The following MTHFD1 variants were observed in gnomAD, a reference collection of about 807,000 sequenced individuals.
The protein encoded by MTHFD1 is methylenetetrahydrofolate dehydrogenase, cyclohydrolase and formyltetrahydrofolate synthetase 1, also known as C-1-tetrahydrofolate synthase, cytoplasmic.
Under a neutral mutation model 110.3 loss-of-function variants are expected in MTHFD1, and 44 were observed. That is an observed-to-expected ratio of 0.40 (90% CI 0.31 to 0.51). The LOEUF (loss-of-function observed/expected upper bound fraction) is 0.51, where lower values mean the gene tolerates loss of function less well. Among genes scored for constraint, MTHFD1 ranks in the 20% least tolerant of loss-of-function variants. The pLI, the probability that MTHFD1 is intolerant of heterozygous loss-of-function variation, is 0.60. For missense variants in MTHFD1, 909 were observed against 1,173.1 expected (o/e 0.77, Z 3.29); for synonymous variants, 402 against 428.8 (o/e 0.94, Z 0.77).
chr14:64,403,170 A>C (rs1040844968), intron 2 of MTHFD1, among the ~76,000 whole-genome samples: 1 of 151,652 alleles, frequency 6.6e-6, no homozygotes, highest in Non-Finnish European at 1.5e-5. Context: ...GCTGGAGTGC[A>C]GTGGTGCAAT....
At chr14:64,454,988 A>G in intron 26 of MTHFD1, 113 bp downstream of exon 26, 1 of 1,121,090 alleles carries the variant, frequency 8.9e-7, no homozygotes, top group Non-Finnish European at 1.4e-6. Context: ...CCAGAAGAAA[A>G]TTGGAATCGG....
intron 22 of MTHFD1, 156 bp from the exon 23 acceptor site, chr14:64,448,061 A>C (rs2078309170): frequency 4.4e-6 from 3 of 678,492 alleles, no homozygotes; most frequent in Admixed American, 4.3e-5. Context: ...ACCGCACTGG[A>C]AAAAATGCAC....
rs541958229 is a variant in MTHFD1 at position 64,431,024 on chromosome 14, C to G, written c.1312-508C>G. 2.6e-4 allele frequency among the ~76,000 whole-genome samples: 40 copies of G among 151,122 alleles called. No individual in the cohort carries two copies. The South Asian group carries it at 8.4e-3, about 32-fold the overall frequency. On this transcript the variant is annotated intron_variant, in intron 13 of 27. Coordinates refer to ENST00000652337, the MANE Select transcript of MTHFD1 (RefSeq NM_005956.4). ...CAAGTTCTGTATTTGGGAGGAGATT[C>G]TTCTGTGGACAGATAATTAGTCTTT...
At chr14:64,398,937 T>C (rs2077877309) in intron 1 of MTHFD1, among the ~76,000 whole-genome samples, 1 of 152,268 alleles carries the variant, frequency 6.6e-6, no homozygotes, top group Non-Finnish European at 1.5e-5. Flanking sequence ...GTTGGTAAAT[T>C]GATCATCTTA....
intron 24 of MTHFD1, 87 bp downstream of exon 24, chr14:64,449,709 T>C: frequency 6.8e-7 from 1 of 1,467,962 alleles, no homozygotes; most frequent in Non-Finnish European, 9.3e-7. Context: ...TAGAGCCCCA[T>C]GCTTCGCAGC....
intron 2 of MTHFD1, among the ~76,000 whole-genome samples, chr14:64,405,947 T>A (rs2077932204): frequency 6.6e-6 from 1 of 151,698 alleles, no homozygotes; most frequent in Non-Finnish European, 1.5e-5. Context: ...CAAAATTTAT[T>A]TGTGTTTCAT....
At chr14:64,425,269 A>G (rs1008831498) in intron 9 of MTHFD1, among the ~76,000 whole-genome samples, 6 of 147,508 alleles carry the variant, frequency 4.1e-5, no homozygotes, top group Non-Finnish European at 7.4e-5. Flanking sequence ...CTGGAGTGCA[A>G]TGGTGTGATC....
Position 64,415,437 on chromosome 14 carries a change from A to C in MTHFD1, c.320A>C (p.Asn107Thr). The C allele has an allele frequency of 6.2e-7, 1 of 1,613,878 alleles. No homozygotes were observed. The highest frequency in any genetic ancestry group is 8.5e-7 in the Non-Finnish European group (1 of 1,179,722). The change falls in exon 5 of 28, where the codon AAT (asparagine) becomes ACT (threonine). Residue 107 changes from asparagine to threonine, a missense_variant. Transcript: ENST00000652337. ...FLVQLPLDSE[N>T]SINTEEVINA... ...GTGCAGCTACCTTTAGATTCAGAGA[A>C]TTCCATTAACACTGAAGAAGTGATC...
At chr14:64,435,351 G>A (rs2078197668) in intron 15 of MTHFD1, among the ~76,000 whole-genome samples, 1 of 152,050 alleles carries the variant, frequency 6.6e-6, no homozygotes, top group Non-Finnish European at 1.5e-5. Flanking sequence ...GCTCATTCCT[G>A]AATAAACTCA....
intron 22 of MTHFD1, 54 bp from the exon 23 acceptor site, chr14:64,448,163 T>C: frequency 7.6e-7 from 1 of 1,318,852 alleles, no homozygotes; most frequent in Non-Finnish European, 1.1e-6. Flanking sequence ...AAGAAGAACC[T>C]GCAGTGGTTT....
intron 16 of MTHFD1, among the ~76,000 whole-genome samples, chr14:64,436,129 CT>C (rs2078204422): frequency 6.6e-6 from 1 of 151,848 alleles, no homozygotes; most frequent in African/African-American, 2.4e-5. Flanking sequence ...GAGTCTCGCT[CT>C]GTCGCCCAGG....
intron 2 of MTHFD1, among the ~76,000 whole-genome samples, chr14:64,403,954 G>A (rs1424456881): frequency 6.6e-6 from 1 of 152,146 alleles, no homozygotes; most frequent in East Asian, 1.9e-4. Context: ...AGGATACCTT[G>A]ACTACTAGTC....
intron 1 of MTHFD1, 118 bp from the exon 2 acceptor site, chr14:64,400,675 C>A: frequency 1.4e-6 from 1 of 733,702 alleles, no homozygotes; most frequent in South Asian, 1.5e-5. Flanking sequence ...GGTGACAGAG[C>A]GAGACCCTGT....
chr14:64,400,307 G>A (rs2077886109), intron 1 of MTHFD1, among the ~76,000 whole-genome samples: 1 of 152,050 alleles, frequency 6.6e-6, no homozygotes, highest in Admixed American at 6.5e-5. Flanking sequence ...AGAATCGATT[G>A]AACCTGGGAG....
At chr14:64,449,816 T>G (rs2078341338) in intron 24 of MTHFD1, among the ~76,000 whole-genome samples, 194 bp downstream of exon 24, 1 of 152,174 alleles carries the variant, frequency 6.6e-6, no homozygotes, top group Non-Finnish European at 1.5e-5. Context: ...TGAGACGGAG[T>G]CTTGCTCTTT....
intron 25 of MTHFD1, among the ~76,000 whole-genome samples, chr14:64,454,246 G>A (rs1381114931): frequency 1.3e-5 from 2 of 152,146 alleles, no homozygotes; most frequent in African/African-American, 4.8e-5. Flanking sequence ...CTGAGTAGCT[G>A]CGCCTACAGG....
chr14:64,456,330 C>G (rs1201114042), intron 26 of MTHFD1, among the ~76,000 whole-genome samples: 1 of 152,182 alleles, frequency 6.6e-6, no homozygotes, highest in Admixed American at 6.5e-5. Flanking sequence ...CTTCCAGTTG[C>G]CGTTGGGGCC....
chr14:64,423,401 C>T (rs1353295491), intron 8 of MTHFD1, among the ~76,000 whole-genome samples: 3 of 152,054 alleles, frequency 2.0e-5, no homozygotes, highest in Non-Finnish European at 4.4e-5. Context: ...CCCACAGGAG[C>T]TGCAGAACTA....
At chr14:64,418,071 G>T (rs745783762) in intron 7 of MTHFD1, 47 bp downstream of exon 7, 20 of 1,611,624 alleles carry the variant, frequency 1.2e-5, no homozygotes, top group Non-Finnish European at 1.7e-5. Context: ...GGGGAGGGTG[G>T]GTGTGCCAGA....
Sources: allele counts gnomAD v4.1 joint callset (sites outside exome capture counted in the v4.1 genomes callset), GRCh38; gene constraint gnomAD v4.1.1; transcripts MANE v1.5; gene names NCBI Gene and HGNC (gene_info 2026-07-23, HGNC 2026-07-21).